RNF168: variants seen among roughly 807,000 people sequenced by gnomAD.
RNF168 encodes the protein E3 ubiquitin-protein ligase RNF168.
A neutral mutation model predicts 34.9 loss-of-function variants in RNF168; 34 were observed. The ratio of observed to expected loss-of-function variants is 0.97; its 90% CI spans 0.74 to 1.30. The LOEUF is 1.30. RNF168 is among the 50% of genes most tolerant of loss of function. RNF168 has a pLI of 0.00. For synonymous variants in RNF168, 264 were observed against 254.7 expected, an observed-to-expected ratio of 1.04 and a Z score of -0.35; for missense variants, 725 against 682.5, an observed-to-expected ratio of 1.06 and a Z score of -0.69.
At chr3:196,487,606 C>T (rs1237081713) in intron 2 of RNF168, 28 bp from the exon 3 acceptor site, 1 of 1,605,576 alleles carries the variant, frequency 6.2e-7, no homozygotes, top group East Asian at 2.2e-5. Context: ...AAGAGCAATC[C>T]TTCTCTGAAC....
intron 5 of RNF168, chr3:196,474,829 T>C (rs1431262210): frequency 4.1e-6 from 1 of 243,472 alleles, no homozygotes; most frequent in African/African-American, 2.3e-5. Flanking sequence ...AGGTCAAGGA[T>C]CAGTAATCTA....
chr3:196,487,355 T>C (rs1401915099), intron 3 of RNF168, 44 bp downstream of exon 3: 3 of 1,511,302 alleles, frequency 2.0e-6, no homozygotes, highest in Non-Finnish European at 2.8e-6. Context: ...CAGCAGCGCA[T>C]ACCAAGGGAT....
intron 2 of RNF168, among the ~76,000 whole-genome samples, chr3:196,487,930 T>C (rs1036811879): frequency 3.3e-5 from 5 of 152,212 alleles, no homozygotes; most frequent in Non-Finnish European, 7.3e-5. Flanking sequence ...GCTTTTTAGG[T>C]ACTTTTCCTA....
At chr3:196,484,679 A>G (rs911790436) in intron 3 of RNF168, among the ~76,000 whole-genome samples, 2 of 151,794 alleles carry the variant, frequency 1.3e-5, no homozygotes, top group Non-Finnish European at 2.9e-5. Flanking sequence ...TTTGAGACAG[A>G]GTCTTGCTCT....
intron 5 of RNF168, among the ~76,000 whole-genome samples, chr3:196,474,451 T>C (rs1407586339): frequency 6.7e-6 from 1 of 148,592 alleles, no homozygotes; most frequent in Non-Finnish European, 1.5e-5. Context: ...AATATTCTTT[T>C]TTTTTTTTTT....
rs1418970018 is a variant in RNF168 at position 196,471,936 on chromosome 3, T to C, written c.1599A>G (p.Arg533=). Residue 533 remains arginine, a synonymous_variant, in exon 6 of 6, where the codon AGA becomes AGG. Coordinates refer to ENST00000318037, the MANE Select transcript of RNF168 (RefSeq NM_152617.4). The part of the protein sequence containing the change: ...LKMQLKQSVN[R]RKMPNSTRDH... The stretch of plus-strand genomic sequence containing the variant: ...CTCTAGTAGAATTTGGCATCTTTCT[T>C]CTATTAACTGACTGCTTCAACTGCA... 1 of 1,613,870 alleles carries C rather than the reference T, an allele frequency of 6.2e-7. No homozygotes were observed. The highest frequency in any genetic ancestry group is 8.5e-7 in the Non-Finnish European group (1 of 1,179,856).
Position 196,471,182 on chromosome 3 carries a change from CA to C in RNF168, c.*636del, listed in dbSNP as rs1731990641. ...TTGCACACCAGCCTGCGTGACAGAG[CA>C]AGACTCTGTCTCCAAAAAAAAAAAA... On this transcript the variant is annotated 3_prime_UTR_variant, in exon 6 of 6. Coordinates refer to ENST00000318037, the MANE Select transcript of RNF168 (RefSeq NM_152617.4). 2 of 92,896 alleles carry C rather than the reference CA, an allele frequency of 2.2e-5. No homozygotes were observed. The highest frequency in any genetic ancestry group is 8.0e-4 in the South Asian group (2 of 2,490). 5.8% of individuals were successfully genotyped at this position (92,896 alleles called of 1,614,324 possible). A position where few individuals can be genotyped will look rare whatever the true frequency, so the allele number is the denominator to read the frequency against.
At chr3:196,502,177 G>T (rs1577526325) in intron 1 of RNF168, among the ~76,000 whole-genome samples, 2 of 151,672 alleles carry the variant, frequency 1.3e-5, no homozygotes, top group South Asian at 4.2e-4. Context: ...AAGAGTCAAG[G>T]GTTCAGTTTG....
chr3:196,475,471 A>T, intron 4 of RNF168, 159 bp from the exon 5 acceptor site: 1 of 648,210 alleles, frequency 1.5e-6, no homozygotes, highest in South Asian at 1.7e-5. Flanking sequence ...GGTCAATTCC[A>T]GGACAAAACT....
chr3:196,484,262 C>T (rs537332327), intron 3 of RNF168, among the ~76,000 whole-genome samples: 9 of 149,642 alleles, frequency 6.0e-5, no homozygotes, highest in South Asian at 4.3e-4. Flanking sequence ...GCTCCACCCC[C>T]GCAGGTTCAT....
intron 1 of RNF168, among the ~76,000 whole-genome samples, chr3:196,491,408 G>A (rs1313448653): frequency 6.6e-6 from 1 of 152,132 alleles, no homozygotes; most frequent in Non-Finnish European, 1.5e-5. Flanking sequence ...CAGCATTTTG[G>A]GAGGCCGAGG....
rs752161021 is a variant in RNF168, at chr3:196,472,705, A to G, written c.830T>C (p.Leu277Pro). 6.2e-7 allele frequency: 1 copy of G among 1,607,260 alleles called. No individual in the cohort carries two copies. The highest frequency in any genetic ancestry group is 1.1e-5 in the South Asian group (1 of 90,962). Residue 277 changes from leucine to proline, a missense_variant, in exon 6 of 6, where the codon CTT becomes CCT. By Grantham distance (98) the Leu-to-Pro change is moderately conservative. Transcript: ENST00000318037. ...AACTCCAAGGGATATCTGTGGAGAA[A>G]GTGTCGGCATATCTTCTATTTCTGT... is the stretch of plus-strand genomic sequence containing the variant. The part of the protein sequence containing the change: ...QDTEIEDMPT[L>P]SPQISLGVGE...
At chr3:196,493,046 T>C (rs1231899460) in intron 1 of RNF168, among the ~76,000 whole-genome samples, 1 of 152,110 alleles carries the variant, frequency 6.6e-6, no homozygotes, top group Admixed American at 6.6e-5. Flanking sequence ...CAATTAAAAC[T>C]TCCATGTGAT....
intron 2 of RNF168, 29 bp downstream of exon 2, chr3:196,488,578 T>G (rs993713391): frequency 1.6e-6 from 2 of 1,227,294 alleles, no homozygotes; most frequent in Non-Finnish European, 2.3e-6. Context: ...AGAGAAATAT[T>G]CCAAAAAAAA....
At position 196,475,331 on chromosome 3, in the gene RNF168, A is replaced by G. The variant is rs190842578; in HGVS notation, c.681-19T>C. 4 of 1,476,130 alleles carry G rather than the reference A, an allele frequency of 2.7e-6. No individual in the cohort carries two copies. Among genetic ancestry groups the G allele is most frequent in the African/African-American group, 2.8e-5 (2 of 72,318 alleles). The allele number at this position is 1,476,130 out of a possible 1,614,324, so 91.4% of individuals were successfully genotyped here. A position where few individuals can be genotyped will look rare whatever the true frequency, so the allele number is the denominator to read the frequency against. On this transcript the variant is annotated intron_variant, in intron 4 of 5. Transcript: ENST00000318037. ...CAAATACCTAAAAGAAAAGTTTACC[A>G]AAGTTTCAATGCTTTCAAAGACAGA...
rs1732938598 is a variant in RNF168 at position 196,502,980 on chromosome 3, T to C, written c.194A>G (p.His65Arg). 2.5e-6 allele frequency: 4 copies of C among 1,613,906 alleles called. No individual in the cohort carries two copies. Among genetic ancestry groups the C allele is most frequent in the East Asian group, 2.2e-5 (1 of 44,882 alleles). ...GTTGACGAGAGAATTTCTTCGGGTA[T>C]GGTACCGAGTCCACGACGATACCCG... ...RRRVSSWTRY[H>R]TRRNSLVNVE... Residue 65 changes from histidine to arginine, a missense_variant, in exon 1 of 6, where the codon CAT (histidine) becomes CGT (arginine). Transcript: ENST00000318037.
At position 196,481,659 on chromosome 3, in the gene RNF168, T is replaced by C. The variant is rs527600689; in HGVS notation, c.680+2111A>G. Among the ~76,000 whole-genome samples, 4 of 151,462 alleles carry C rather than the reference T, an allele frequency of 2.6e-5. No individual in the cohort carries two copies. In the South Asian group the frequency reaches 8.3e-4, roughly 31 times the overall value. On this transcript the variant is annotated intron_variant, in intron 4 of 5. Transcript: ENST00000318037. Reference sequence around the variant, plus strand: ...CCAGCAATGTATTCCTGGAATTGTCTTTTTAAATACGTTTTCAGCTGCGTT... The same window carrying C: ...CCAGCAATGTATTCCTGGAATTGTCCTTTTAAATACGTTTTCAGCTGCGTT...
At position 196,472,293 on chromosome 3, in the gene RNF168, A is replaced by C; in HGVS notation, c.1242T>G (p.Ser414=). Residue 414 remains serine (S), a synonymous_variant, in exon 6 of 6, where the codon TCT becomes TCG. Transcript: ENST00000318037. ...TTTCTGTTTCCTCTTGATCTGGGGA[A>C]GATTCGGGGGACACTTTTCTTCTTT... The part of the protein sequence containing the change: ...SAKRRKVSPE[S]SPDQEETEIN... 1 of 1,614,012 alleles carries C rather than the reference A, an allele frequency of 6.2e-7. No individual in the cohort carries two copies. The highest frequency in any genetic ancestry group is 1.1e-5 in the South Asian group (1 of 91,078).
chr3:196,480,568 C>T (rs1392718261), intron 4 of RNF168, among the ~76,000 whole-genome samples: 1 of 152,158 alleles, frequency 6.6e-6, no homozygotes, highest in Non-Finnish European at 1.5e-5. Flanking sequence ...GAGATCTGAC[C>T]ATTTTGTAGT....
Sources: gnomAD v4.1 joint callset for allele counts (sites outside exome capture counted in the v4.1 genomes callset) on GRCh38, gnomAD v4.1.1 for gene constraint, MANE v1.5 for transcripts, NCBI Gene and HGNC (gene_info 2026-07-23, HGNC 2026-07-21) for gene names.